Variants in MRPS11 observed in about 807,000 individuals in gnomAD.
The protein encoded by MRPS11 is mitochondrial ribosomal protein S11, also known as small ribosomal subunit protein uS11m.
Under a neutral mutation model 24.3 loss-of-function variants are expected in MRPS11, and 27 were observed. That is an observed-to-expected ratio of 1.11 (90% CI 0.82 to 1.53). The LOEUF (loss-of-function observed/expected upper bound fraction) is 1.53. Among genes scored for constraint, MRPS11 ranks in the 40% most tolerant of loss-of-function variants. The pLI, the probability that MRPS11 is intolerant of heterozygous loss-of-function variation, is 0.00. For synonymous variants in MRPS11, 104 were observed against 98.7 expected (o/e 1.05, Z -0.32); for missense variants, 277 against 256.5 (o/e 1.08, Z -0.55).
chr15:88,468,608 C>A, intron 2 of MRPS11: 1 of 685,978 alleles, frequency 1.5e-6, no homozygotes, highest in South Asian at 6.5e-5. Context: ...TTCCTCCCCA[C>A]AAGTAGTTCA....
chr15:88,474,485 G>C (rs939507593), intron 3 of MRPS11, among the ~76,000 whole-genome samples: 3 of 151,218 alleles, frequency 2.0e-5, no homozygotes, highest in African/African-American at 7.4e-5. Flanking sequence ...CTTGAACCCG[G>C]GAGGCGGAGG....
rs915145137 is a variant in MRPS11, at chr15:88,469,005, G to C, written c.182+981G>C. The C allele has an allele frequency of 4.3e-5, 6 of 140,970 alleles. No homozygotes were observed. Among genetic ancestry groups the C allele is most frequent in the African/African-American group, 1.4e-4 (5 of 35,942 alleles). 8.7% of individuals were successfully genotyped at this position (140,970 alleles called of 1,614,324 possible). On this transcript the variant is annotated intron_variant, in intron 2 of 5. Transcript: ENST00000325844. The surrounding 1 kb of genome is among the most constrained non-coding windows in gnomAD (Gnocchi z 4.4). ...AGCCTGGGTGACAGATTGAGACTCT[G>C]TCTCAAAGAAAAAAAAAAAAAAAAA...
rs2055596120 is a variant in MRPS11 at position 88,468,221 on chromosome 15, C to A, written c.182+197C>A. On this transcript the variant is annotated intron_variant, in intron 2 of 5. Transcript: ENST00000325844. ...GAGAGGTTGTGAGAATCAGATGAGC[C>A]GTGGTACAGAGTAAATGTTCAGTGA... The A allele has an allele frequency of 2.1e-6, 3 of 1,423,608 alleles. No homozygotes were observed. The Admixed American group carries it at 8.6e-5, about 41-fold the overall frequency. The allele number at this position is 1,423,608 out of a possible 1,614,324, so 88.2% of individuals were successfully genotyped here. A position where few individuals can be genotyped will look rare whatever the true frequency, so the allele number is the denominator to read the frequency against.
chr15:88,476,285 T>G (rs1255652328), intron 4 of MRPS11, among the ~76,000 whole-genome samples: 1 of 152,208 alleles, frequency 6.6e-6, no homozygotes, highest in Non-Finnish European at 1.5e-5. Flanking sequence ...GGAACCCAGA[T>G]TGGTCTGGGA....
intron 3 of MRPS11, among the ~76,000 whole-genome samples, chr15:88,473,586 A>G (rs1416187913): frequency 6.6e-6 from 1 of 152,164 alleles, no homozygotes; most frequent in East Asian, 1.9e-4. Flanking sequence ...TCTATGGTCT[A>G]CTCTATACAG....
chr15:88,477,383 C>G lies in MRPS11; in HGVS notation c.477+329C>G, dbSNP rs1049601225. ...TGTGCCCAGATCGCTGGGAGCCCAT[C>G]AGGGGATCCCGAACCTAGCAGGGAT... On this transcript the variant is annotated intron_variant, in intron 5 of 5. Coordinates refer to ENST00000325844, the MANE Select transcript of MRPS11 (RefSeq NM_022839.5). The surrounding 1 kb of genome is among the most constrained non-coding windows in gnomAD (Gnocchi z 5.7). 1.3e-5 allele frequency among the ~76,000 whole-genome samples: 2 copies of G among 152,204 alleles called. No individual in the cohort carries two copies. Among genetic ancestry groups the G allele is most frequent in the Admixed American group, 6.5e-5 (1 of 15,286 alleles).
At position 88,472,774 on chromosome 15, in the gene MRPS11, A is replaced by G. The variant is rs1339904363; in HGVS notation, c.281+49A>G. 49 of 1,473,298 alleles carry G rather than the reference A, an allele frequency of 3.3e-5. No homozygotes were observed. In the East Asian group the frequency reaches 1.1e-3, roughly 32 times the overall value. 91.3% of individuals were successfully genotyped at this position (1,473,298 alleles called of 1,614,324 possible). A position where few individuals can be genotyped will look rare whatever the true frequency, so the allele number is the denominator to read the frequency against. ...GCAGGTCTAGCGTGAGATTCTTTCC[A>G]CTTCACAGGGAAAGTCAGGCTTGGC... On this transcript the variant is annotated intron_variant, in intron 3 of 5. Transcript: ENST00000325844.
At chr15:88,468,491 T>C (rs2055604587) in intron 2 of MRPS11, 1 of 998,504 alleles carries the variant, frequency 1.0e-6, no homozygotes, top group Non-Finnish European at 1.2e-6. Flanking sequence ...CTCTGTATGC[T>C]GTATACACAT....
Position 88,477,991 on chromosome 15 carries a change from C to A in MRPS11, c.*12C>A. On this transcript the variant is annotated 3_prime_UTR_variant, in exon 6 of 6. Transcript: ENST00000325844. The surrounding 1 kb of genome is among the most constrained non-coding windows in gnomAD (Gnocchi z 5.7). Reference sequence around the variant, plus strand: ...CTCGGAAGCTGTGATGGGAAGGAGGCCTGCACTTGGACCTGACCTCAAGCC... The same window carrying A: ...CTCGGAAGCTGTGATGGGAAGGAGGACTGCACTTGGACCTGACCTCAAGCC... The A allele has an allele frequency of 6.2e-7, 1 of 1,608,852 alleles. No homozygotes were observed. The highest frequency in any genetic ancestry group is 1.1e-5 in the South Asian group (1 of 90,984).
In MRPS11 at chr15:88,477,788, T is replaced by A; in HGVS notation, c.478-84T>A. The A allele has an allele frequency of 8.4e-7, 1 of 1,196,024 alleles. No individual in the cohort carries two copies. The highest frequency in any genetic ancestry group is 1.5e-5 in the African/African-American group (1 of 66,568). The allele number at this position is 1,196,024 out of a possible 1,614,324, so 74.1% of individuals were successfully genotyped here. Reference sequence around the variant, plus strand: ...CTCCGTTCCCTTCTCTACGCCACCCTGTCCCTCTCCGAACCCTGCCTGGAG... The same window carrying A: ...CTCCGTTCCCTTCTCTACGCCACCCAGTCCCTCTCCGAACCCTGCCTGGAG... On this transcript the variant is annotated intron_variant, in intron 5 of 5. Coordinates refer to ENST00000325844, the MANE Select transcript of MRPS11 (RefSeq NM_022839.5). This position sits in a 1 kb window ranked among gnomAD's most constrained non-coding sequence, Gnocchi z 5.7.
At chr15:88,474,208 GT>G (rs563736751) in intron 3 of MRPS11, among the ~76,000 whole-genome samples, 38 of 151,972 alleles carry the variant, frequency 2.5e-4, no homozygotes, top group African/African-American at 8.7e-4. Flanking sequence ...AAAGAGAAAA[GT>G]TTTACTTGTT....
chr15:88,471,527 A>G (rs1290279208), intron 2 of MRPS11, among the ~76,000 whole-genome samples: 1 of 152,306 alleles, frequency 6.6e-6, no homozygotes, highest in Non-Finnish European at 1.5e-5. Context: ...TGTGTGTTCA[A>G]ATTTTAAAAA....
chr15:88,476,915 C>G, intron 4 of MRPS11, 74 bp from the exon 5 acceptor site: 1 of 1,481,434 alleles, frequency 6.8e-7, no homozygotes, highest in Middle Eastern at 2.0e-4. Flanking sequence ...ACCCCTTGCT[C>G]TAGGAGGCAG....
chr15:88,478,208 G>C lies in MRPS11; in HGVS notation c.*229G>C. On this transcript the variant is annotated 3_prime_UTR_variant, in exon 6 of 6. Coordinates refer to ENST00000325844, the MANE Select transcript of MRPS11 (RefSeq NM_022839.5). The surrounding 1 kb of genome is among the most constrained non-coding windows in gnomAD (Gnocchi z 4.7). Reference sequence around the variant, plus strand: ...TTACAAGAGGGGAGCTACAGGGGCAGCCGTGGCCTAGGCCCAAACTCTGCT... The same window carrying C: ...TTACAAGAGGGGAGCTACAGGGGCACCCGTGGCCTAGGCCCAAACTCTGCT... 1 of 567,654 alleles carries C rather than the reference G, an allele frequency of 1.8e-6. No individual in the cohort carries two copies. Among genetic ancestry groups the C allele is most frequent in the African/African-American group, 1.9e-5 (1 of 53,504 alleles). 35.2% of individuals were successfully genotyped at this position (567,654 alleles called of 1,614,324 possible).
chr15:88,479,763 G>T lies in MRPS11; in HGVS notation c.*1784G>T, dbSNP rs2055895690. The T allele has an allele frequency of 1.3e-5, 2 of 152,274 alleles. No individual in the cohort carries two copies. 9.4% of individuals were successfully genotyped at this position (152,274 alleles called of 1,614,324 possible). ...GATTTGATATGGTTTGGTGGACAGA[G>T]GGCCCGTAGCCATCAGACAGTTCAA... On this transcript the variant is annotated 3_prime_UTR_variant, in exon 6 of 6. Transcript: ENST00000325844.
chr15:88,478,026 G>T lies in MRPS11; in HGVS notation c.*47G>T. The T allele has an allele frequency of 6.9e-7, 1 of 1,457,876 alleles. No homozygotes were observed. Among genetic ancestry groups the T allele is most frequent in the Non-Finnish European group, 9.6e-7 (1 of 1,038,120 alleles). The allele number at this position is 1,457,876 out of a possible 1,614,324, so 90.3% of individuals were successfully genotyped here. ...GACCTGACCTCAAGCCTCAGCTCCA[G>T]TGGGACCTTGTAAAATGCTCCCTGT... On this transcript the variant is annotated 3_prime_UTR_variant, in exon 6 of 6. Transcript: ENST00000325844. The surrounding 1 kb of genome is among the most constrained non-coding windows in gnomAD (Gnocchi z 4.7).
At chr15:88,473,105 A>G (rs2055749985) in intron 3 of MRPS11, among the ~76,000 whole-genome samples, 1 of 152,246 alleles carries the variant, frequency 6.6e-6, no homozygotes, top group East Asian at 1.9e-4. Context: ...GATTCAAGAT[A>G]TTAATATGAT....
rs1246590148 is a variant in MRPS11, at chr15:88,479,326, C to T, written c.*1347C>T. ...GAAGCTGAGAAGGAGTGGTCAAGTA[C>T]ACAAAAGCACTGTTCCTCCCAGATG... On this transcript the variant is annotated 3_prime_UTR_variant, in exon 6 of 6. Coordinates refer to ENST00000325844, the MANE Select transcript of MRPS11 (RefSeq NM_022839.5). The T allele has an allele frequency of 6.6e-6, 1 of 152,264 alleles. No individual in the cohort carries two copies. The highest frequency in any genetic ancestry group is 1.5e-5 in the Non-Finnish European group (1 of 68,096). The allele number at this position is 152,264 out of a possible 1,614,324, so 9.4% of individuals were successfully genotyped here.
At chr15:88,470,521 A>C (rs2055673190) in intron 2 of MRPS11, among the ~76,000 whole-genome samples, 1 of 152,220 alleles carries the variant, frequency 6.6e-6, no homozygotes, top group Admixed American at 6.5e-5. Flanking sequence ...AGGAAGAACC[A>C]TCAGAAGAGA....
Sources: allele counts gnomAD v4.1 joint callset (sites outside exome capture counted in the v4.1 genomes callset), GRCh38; gene constraint gnomAD v4.1.1; non-coding constraint Gnocchi (gnomAD v3.1); transcripts MANE v1.5; gene names NCBI Gene and HGNC (gene_info 2026-07-23, HGNC 2026-07-21).